The following ERVH48-1 variants were observed in gnomAD, a reference collection of about 807,000 sequenced individuals.
The protein encoded by ERVH48-1 is endogenous retrovirus group 48 member 1, envelope, also known as suppressyn.
A neutral mutation model predicts 2.4 loss-of-function variants in ERVH48-1; 4 were observed. The ratio of observed to expected loss-of-function variants is 1.68; its 90% CI spans 0.83 to 3.84. The LOEUF (loss-of-function observed/expected upper bound fraction) is 3.84, where lower values mean the gene tolerates loss of function less well. Among genes scored for constraint, ERVH48-1 ranks in the 30% most tolerant of loss-of-function variants. ERVH48-1 has a pLI of 0.01. For missense variants in ERVH48-1, 97 were observed against 43.4 expected, an observed-to-expected ratio of 2.23 and a Z score of -3.47; for synonymous variants, 32 against 15.5, an observed-to-expected ratio of 2.06 and a Z score of -2.49.
Position 42,925,570 on chromosome 21 carries a change from C to T in ERVH48-1, c.-510G>A. ...ACAGACAACACGAGGCGGTGTGGAG[C>T]AACACACTGTTTTAATAAGCACCTG... On this transcript the variant is annotated 5_prime_UTR_variant, in exon 1 of 2. Coordinates refer to ENST00000447535, the MANE Select transcript of ERVH48-1 (RefSeq NM_001308491.2). 1 of 262,726 alleles carries T rather than the reference C, an allele frequency of 3.8e-6. No homozygotes were observed. Among genetic ancestry groups the T allele is most frequent in the South Asian group, 4.4e-5 (1 of 22,750 alleles). 16.3% of individuals were successfully genotyped at this position (262,726 alleles called of 1,614,324 possible).
rs935087075 is a variant in ERVH48-1 at position 42,917,155 on chromosome 21, T to G, written c.*1369A>C. On this transcript the variant is annotated 3_prime_UTR_variant, in exon 2 of 2. Transcript: ENST00000447535. ...TATAGAAAAGGGGAAAGGGACGACTTTCTCAATAACTACTTCAGGCGTGAC... is the reference window on the plus strand; with the variant it reads ...TATAGAAAAGGGGAAAGGGACGACTGTCTCAATAACTACTTCAGGCGTGAC... 5.3e-5 allele frequency: 8 copies of G among 152,148 alleles called. No homozygotes were observed. The highest frequency in any genetic ancestry group is 1.9e-4 in the African/African-American group (8 of 41,428). 9.4% of individuals were successfully genotyped at this position (152,148 alleles called of 1,614,324 possible).
At chr21:42,923,138 G>T (rs899482580) in intron 1 of ERVH48-1, among the ~76,000 whole-genome samples, 4 of 152,168 alleles carry the variant, frequency 2.6e-5, no homozygotes, top group Non-Finnish European at 5.9e-5. Flanking sequence ...TCTGCAGAGG[G>T]GGCACGGCCT....
chr21:42,918,393 C>T lies in ERVH48-1; in HGVS notation c.*131G>A, dbSNP rs1194863122. ...TGTAAGTAAGGGGGAATGTCTATCC[C>T]GTCCCACAGCCACTGTTCACTCATA... On this transcript the variant is annotated 3_prime_UTR_variant, in exon 2 of 2. Coordinates refer to ENST00000447535, the MANE Select transcript of ERVH48-1 (RefSeq NM_001308491.2). The T allele has an allele frequency of 1.1e-5, 4 of 366,380 alleles. No homozygotes were observed. Among genetic ancestry groups the T allele is most frequent in the Non-Finnish European group, 2.1e-5 (4 of 187,424 alleles). 22.7% of individuals were successfully genotyped at this position (366,380 alleles called of 1,614,324 possible).
At chr21:42,920,924 G>A (rs1192730665) in intron 1 of ERVH48-1, among the ~76,000 whole-genome samples, 7 of 152,156 alleles carry the variant, frequency 4.6e-5, no homozygotes, top group African/African-American at 1.7e-4. Flanking sequence ...TGGAGGAGCC[G>A]TGGGGCAGAG....
Position 42,919,174 on chromosome 21 carries a change from T to C in ERVH48-1, c.-168A>G, listed in dbSNP as rs181301517. ...CTTGACCCTGGTGCGATGGATCCAGTTGGGGAGTCCTCGGACTCTCACTGC... is the reference window on the plus strand; with the variant it reads ...CTTGACCCTGGTGCGATGGATCCAGCTGGGGAGTCCTCGGACTCTCACTGC... On this transcript the variant is annotated 5_prime_UTR_variant, in exon 2 of 2. Transcript: ENST00000447535. 4.5e-5 allele frequency: 36 copies of C among 797,304 alleles called. No homozygotes were observed. Among genetic ancestry groups the C allele is most frequent in the East Asian group, 6.5e-5 (1 of 15,406 alleles). 49.4% of individuals were successfully genotyped at this position (797,304 alleles called of 1,614,324 possible).
chr21:42,923,754 A>G (rs2058813490), intron 1 of ERVH48-1, among the ~76,000 whole-genome samples: 2 of 152,072 alleles, frequency 1.3e-5, no homozygotes, highest in African/African-American at 4.8e-5. Flanking sequence ...CTTGGTGATG[A>G]ATTGTATCAG....
intron 1 of ERVH48-1, among the ~76,000 whole-genome samples, chr21:42,921,360 C>A (rs1371648797): frequency 2.0e-5 from 3 of 151,876 alleles, no homozygotes; most frequent in African/African-American, 7.3e-5. Context: ...AGGAGGGAAC[C>A]CAGAGCCTGA....
intron 1 of ERVH48-1, among the ~76,000 whole-genome samples, chr21:42,924,223 A>G (rs1279139179): frequency 6.6e-6 from 1 of 151,680 alleles, no homozygotes; most frequent in Non-Finnish European, 1.5e-5. Flanking sequence ...GGGGGAGGAG[A>G]ATGGGTACAG....
At chr21:42,924,858 C>G in intron 1 of ERVH48-1, among the ~76,000 whole-genome samples, 1 of 152,050 alleles carries the variant, frequency 6.6e-6, no homozygotes, top group East Asian at 1.9e-4. Context: ...CGTTTGTCAC[C>G]GCTGCCTTTT....
chr21:42,919,290 G>T lies in ERVH48-1; in HGVS notation c.-284C>A. 1 of 259,928 alleles carries T rather than the reference G, an allele frequency of 3.8e-6. No individual in the cohort carries two copies. The highest frequency in any genetic ancestry group is 7.6e-6 in the Non-Finnish European group (1 of 130,972). The allele number at this position is 259,928 out of a possible 1,614,324, so 16.1% of individuals were successfully genotyped here. On this transcript the variant is annotated splice_region_variant and 5_prime_UTR_variant, in exon 2 of 2. Transcript: ENST00000447535. The stretch of plus-strand genomic sequence containing the variant: ...CAGTTTGGCCGATAAACACGTCTGT[G>T]CCTGCAAGACAGTTATGATGTTGAG...
chr21:42,919,803 G>A (rs1034148520), intron 1 of ERVH48-1, among the ~76,000 whole-genome samples: 5 of 152,180 alleles, frequency 3.3e-5, no homozygotes, highest in African/African-American at 1.2e-4. Flanking sequence ...TTCTGAAGTT[G>A]TTGGGAATGC....
At chr21:42,921,636 G>A (rs552458510) in intron 1 of ERVH48-1, among the ~76,000 whole-genome samples, 1 of 152,238 alleles carries the variant, frequency 6.6e-6, no homozygotes, top group East Asian at 1.9e-4. Context: ...ATCAAGGAGA[G>A]TGGACGGTTT....
chr21:42,922,621 TC>T (rs1437523437), intron 1 of ERVH48-1, among the ~76,000 whole-genome samples: 1 of 150,796 alleles, frequency 6.6e-6, no homozygotes, highest in African/African-American at 2.4e-5. Flanking sequence ...GCGCCTGTAG[TC>T]CCAGCTACTC....
intron 1 of ERVH48-1, among the ~76,000 whole-genome samples, chr21:42,922,899 C>G (rs995376110): frequency 6.6e-6 from 1 of 152,084 alleles, no homozygotes; most frequent in African/African-American, 2.4e-5. Flanking sequence ...TTAGGTAAAG[C>G]AGAGTAGGTT....
rs2058794722 is a variant in ERVH48-1, at chr21:42,918,289, C to G, written c.*235G>C. The stretch of plus-strand genomic sequence containing the variant: ...TCCACTTGCGGGATATGCACACCGT[C>G]CCTCATACTGGGTTGGTAAGTGTCC... On this transcript the variant is annotated 3_prime_UTR_variant, in exon 2 of 2. Coordinates refer to ENST00000447535, the MANE Select transcript of ERVH48-1 (RefSeq NM_001308491.2). 2.9e-6 allele frequency: 1 copy of G among 340,540 alleles called. No individual in the cohort carries two copies. The highest frequency in any genetic ancestry group is 4.1e-5 in the Admixed American group (1 of 24,170). 21.1% of individuals were successfully genotyped at this position (340,540 alleles called of 1,614,324 possible).
intron 1 of ERVH48-1, among the ~76,000 whole-genome samples, chr21:42,922,567 C>T (rs7284044): frequency 0.22 from 33,775 of 151,278 alleles, 4,824 homozygotes; most frequent in African/African-American, 0.41. Flanking sequence ...GGTGAAACCC[C>T]GTCTCTACTA....
Position 42,918,926 on chromosome 21 carries a change from G to T in ERVH48-1, c.81C>A (p.Ile27=). The change falls in exon 2 of 2, where the codon ATC becomes ATA. Residue 27 remains isoleucine, a synonymous_variant. Coordinates refer to ENST00000447535, the MANE Select transcript of ERVH48-1 (RefSeq NM_001308491.2). ...GCAGGACAGCTACTGACAGTATTAG[G>T]ATCGTGGTGAGGGATATTCCCATAT... is the stretch of plus-strand genomic sequence containing the variant. ...SLNMGISLTT[I]LILSVAVLLS... is the part of the protein sequence containing the mutation. The T allele has an allele frequency of 1.8e-6, 1 of 569,154 alleles. No homozygotes were observed. Among genetic ancestry groups the T allele is most frequent in the Non-Finnish European group, 3.0e-6 (1 of 330,138 alleles). The allele number at this position is 569,154 out of a possible 1,614,324, so 35.3% of individuals were successfully genotyped here. A position where few individuals can be genotyped will look rare whatever the true frequency, so the allele number is the denominator to read the frequency against.
rs1285468326 is a variant in ERVH48-1 at position 42,918,526 on chromosome 21, A to AT, written c.480dup (p.Ter161IlefsTer8). ...GGCTTAGGAAGGGATGCATCTGCTT[A>AT]TAGTTTTTGTATAAAGGAATGGAAA... On this transcript the variant is annotated frameshift_variant, in exon 2 of 2. Transcript: ENST00000447535. LOFTEE classifies it high-confidence loss of function. The AT allele has an allele frequency of 8.8e-6, 4 of 454,216 alleles. No homozygotes were observed. Among genetic ancestry groups the AT allele is most frequent in the South Asian group, 4.7e-5 (3 of 64,284 alleles). 28.1% of individuals were successfully genotyped at this position (454,216 alleles called of 1,614,324 possible).
At position 42,917,717 on chromosome 21, in the gene ERVH48-1, A is replaced by G. The variant is rs368523948; in HGVS notation, c.*807T>C. The G allele has an allele frequency of 6.6e-6, 1 of 152,102 alleles. No individual in the cohort carries two copies. Among genetic ancestry groups the G allele is most frequent in the African/African-American group, 2.4e-5 (1 of 41,414 alleles). The allele number at this position is 152,102 out of a possible 1,614,324, so 9.4% of individuals were successfully genotyped here. On this transcript the variant is annotated 3_prime_UTR_variant, in exon 2 of 2. Coordinates refer to ENST00000447535, the MANE Select transcript of ERVH48-1 (RefSeq NM_001308491.2). ...GAACAGCTTGTAGTCTAATCGCTCT[A>G]TTTGGCATATATATGGGAGTGCGAT...
Sources: allele counts gnomAD v4.1 joint callset (sites outside exome capture counted in the v4.1 genomes callset), GRCh38; gene constraint gnomAD v4.1.1; transcripts MANE v1.5; gene names NCBI Gene and HGNC (gene_info 2026-07-23, HGNC 2026-07-21).